TGFBR1: variants seen among roughly 807,000 people sequenced by gnomAD.
TGFBR1 encodes the protein transforming growth factor beta receptor 1.
In TGFBR1, 20 loss-of-function variants were observed where a neutral mutation model predicts 55.1. That is an observed-to-expected ratio of 0.36 (90% CI 0.26 to 0.53). The LOEUF is 0.53. Ranked by LOEUF, TGFBR1 falls within the 20% of genes least tolerant of loss-of-function variation. The pLI is 0.91. For missense variants in TGFBR1, 385 were observed against 617.6 expected, an observed-to-expected ratio of 0.62 and a Z score of 3.99; for synonymous variants, 220 against 214.8, an observed-to-expected ratio of 1.02 and a Z score of -0.21.
At chr9:99,130,904 GAAC>G (rs1827203188) in intron 2 of TGFBR1, among the ~76,000 whole-genome samples, 1 of 152,110 alleles carries the variant, frequency 6.6e-6, no homozygotes, top group Non-Finnish European at 1.5e-5. Flanking sequence ...TATTGAGAGC[GAAC>G]AACAGACTGG....
chr9:99,122,599 T>G (rs1004943762), intron 1 of TGFBR1, among the ~76,000 whole-genome samples: 1 of 152,130 alleles, frequency 6.6e-6, no homozygotes, highest in Non-Finnish European at 1.5e-5. Flanking sequence ...CTCTTTTTCC[T>G]CATGTCACTT....
rs140245968 is a variant in TGFBR1, at chr9:99,132,681, A to G, written c.516A>G (p.Ser172=). ...EDPSLDRPFI[S]EGTTLKDLIY... ...CTTCATTAGATCGCCCTTTTATTTC[A>G]GAGGGTACTACGTTGAAAGACTTAA... The change falls in exon 3 of 9, where the codon TCA becomes TCG. Residue 172 remains serine, a synonymous_variant. Transcript: ENST00000374994. 40 of 1,614,040 alleles carry G rather than the reference A, an allele frequency of 2.5e-5. No homozygotes were observed. Among genetic ancestry groups the G allele is most frequent in the Middle Eastern group, 3.3e-4 (2 of 6,084 alleles).
At chr9:99,133,011 A>G (rs1827295016) in intron 3 of TGFBR1, among the ~76,000 whole-genome samples, 1 of 152,204 alleles carries the variant, frequency 6.6e-6, no homozygotes, top group Non-Finnish European at 1.5e-5. Context: ...GTATAATCTA[A>G]TTTGCTTTTC....
rs201052504 is a variant in TGFBR1, at chr9:99,150,195, A to G, written c.*890A>G. 10 of 189,976 alleles carry G rather than the reference A, an allele frequency of 5.3e-5. No individual in the cohort carries two copies. The highest frequency in any genetic ancestry group is 8.9e-5 in the Non-Finnish European group (8 of 90,244). The allele number at this position is 189,976 out of a possible 1,614,324, so 11.8% of individuals were successfully genotyped here. ...TGGCATTAATTAGTAAATTATTAGCATGGTCATGTTTGAATATTCTCACAT... is the reference window on the plus strand; with the variant it reads ...TGGCATTAATTAGTAAATTATTAGCGTGGTCATGTTTGAATATTCTCACAT... On this transcript the variant is annotated 3_prime_UTR_variant, in exon 9 of 9. Transcript: ENST00000374994.
At chr9:99,132,123 CAAG>C (rs2118619199) in intron 2 of TGFBR1, among the ~76,000 whole-genome samples, 1 of 151,142 alleles carries the variant, frequency 6.6e-6, no homozygotes, top group East Asian at 1.9e-4. Flanking sequence ...GGCCTTGGAA[CAAG>C]AAGACAAGCC....
At chr9:99,105,516 G>C (rs1381101040) in intron 1 of TGFBR1, among the ~76,000 whole-genome samples, 1 of 150,582 alleles carries the variant, frequency 6.6e-6, no homozygotes, top group Non-Finnish European at 1.5e-5. Flanking sequence ...GTGTGTCCGG[G>C]CGCGGGCGGA....
rs201277448 is a variant in TGFBR1 at position 99,152,414 on chromosome 9, A to G, written c.*3109A>G. The G allele has an allele frequency of 7.0e-5, 16 of 227,866 alleles. No homozygotes were observed. Among genetic ancestry groups the G allele is most frequent in the Non-Finnish European group, 1.3e-4 (15 of 114,390 alleles). 14.1% of individuals were successfully genotyped at this position (227,866 alleles called of 1,614,324 possible). The stretch of plus-strand genomic sequence containing the variant: ...CTGAGCCTGTAATTCTGCTGTAATA[A>G]TGATAGTGCTCAAGAAGTGCCTTGA... On this transcript the variant is annotated 3_prime_UTR_variant, in exon 9 of 9. Coordinates refer to ENST00000374994, the MANE Select transcript of TGFBR1 (RefSeq NM_004612.4).
Position 99,105,240 on chromosome 9 carries a change from T to C in TGFBR1, c.35T>C (p.Leu12Pro), listed in dbSNP as rs1057524279. ...GCGGTCGCTGCTCCGCGTCCCCGGC[T>C]GCTCCTCCTCGTGCTGGCGGCGGCG... is the stretch of plus-strand genomic sequence containing the variant. ...EAAVAAPRPR[L>P]LLLVLAAAAA... is the part of the protein sequence containing the mutation. Residue 12 changes from leucine (L) to proline (P), a missense_variant, in exon 1 of 9, where the codon CTG becomes CCG. Leu to Pro is a moderately conservative substitution (Grantham distance 98). Around this residue, in one of 5 missense-constraint regions of TGFBR1, gnomAD observed 37 missense variants for 40.2 expected, o/e 0.92. Coordinates refer to ENST00000374994, the MANE Select transcript of TGFBR1 (RefSeq NM_004612.4). 2.8e-6 allele frequency: 3 copies of C among 1,064,624 alleles called. No homozygotes were observed. Among genetic ancestry groups the C allele is most frequent in the African/African-American group, 1.7e-5 (1 of 57,244 alleles). 65.9% of individuals were successfully genotyped at this position (1,064,624 alleles called of 1,614,324 possible).
chr9:99,148,036 C>T (rs544334940), intron 8 of TGFBR1, among the ~76,000 whole-genome samples: 3 of 152,292 alleles, frequency 2.0e-5, no homozygotes, highest in Admixed American at 2.0e-4. Flanking sequence ...AACTAAGGCA[C>T]ATATTTTTAA....
Position 99,150,438 on chromosome 9 carries a change from A to C in TGFBR1, c.*1133A>C, listed in dbSNP as rs1827949703. Reference sequence around the variant, plus strand: ...ATTTTTTAAGACATGAATTACATTTAAAATTAGAATATGGTTAATATTAAA... The same window carrying C: ...ATTTTTTAAGACATGAATTACATTTCAAATTAGAATATGGTTAATATTAAA... On this transcript the variant is annotated 3_prime_UTR_variant, in exon 9 of 9. Transcript: ENST00000374994. The C allele has an allele frequency of 4.7e-6, 1 of 211,484 alleles. No individual in the cohort carries two copies. Among genetic ancestry groups the C allele is most frequent in the African/African-American group, 2.3e-5 (1 of 44,188 alleles). 13.1% of individuals were successfully genotyped at this position (211,484 alleles called of 1,614,324 possible). A position where few individuals can be genotyped will look rare whatever the true frequency, so the allele number is the denominator to read the frequency against.
At chr9:99,143,281 G>A (rs1188443740) in intron 5 of TGFBR1, among the ~76,000 whole-genome samples, 1 of 152,140 alleles carries the variant, frequency 6.6e-6, no homozygotes, top group Non-Finnish European at 1.5e-5. Flanking sequence ...CTCAGTTTCA[G>A]AATTCAGGTC....
chr9:99,123,962 G>A (rs1457138763), intron 1 of TGFBR1, among the ~76,000 whole-genome samples: 3 of 152,132 alleles, frequency 2.0e-5, no homozygotes, highest in Non-Finnish European at 4.4e-5. Context: ...GGTCAGAGAG[G>A]TATTATGTTT....
rs769320006 is a variant in TGFBR1 at position 99,129,061 on chromosome 9, A to G, written c.304A>G (p.Asn102Asp). 5.6e-6 allele frequency: 9 copies of G among 1,613,988 alleles called. No homozygotes were observed. Among genetic ancestry groups the G allele is most frequent in the Non-Finnish European group, 2.5e-6 (3 of 1,179,932 alleles). Reference sequence around the variant, plus strand: ...GTCTGTGACTACAACATATTGCTGCAATCAGGACCATTGCAATAAAATAGA... The same window carrying G: ...GTCTGTGACTACAACATATTGCTGCGATCAGGACCATTGCAATAAAATAGA... ...TGSVTTTYCC[N>D]QDHCNKIELP... The change falls in exon 2 of 9, where the codon AAT becomes GAT. Residue 102 changes from asparagine (N) to aspartate (D), a missense_variant. By Grantham distance (23) the Asn-to-Asp change is conservative. This residue lies in a region of TGFBR1 where 146 missense variants were observed against 167.7 expected (regional missense o/e 0.87). Coordinates refer to ENST00000374994, the MANE Select transcript of TGFBR1 (RefSeq NM_004612.4).
chr9:99,144,143 T>C (rs1159635323), intron 5 of TGFBR1, among the ~76,000 whole-genome samples: 1 of 152,232 alleles, frequency 6.6e-6, no homozygotes, highest in African/African-American at 2.4e-5. Flanking sequence ...TTCAGTTATC[T>C]TGGGTATATA....
At chr9:99,137,115 C>A (rs917734265) in intron 3 of TGFBR1, among the ~76,000 whole-genome samples, 3 of 152,098 alleles carry the variant, frequency 2.0e-5, no homozygotes, top group African/African-American at 7.2e-5. Context: ...AAACAGTGCT[C>A]CATTACCAAG....
intron 1 of TGFBR1, among the ~76,000 whole-genome samples, chr9:99,111,781 A>G (rs1236573681): frequency 1.3e-5 from 2 of 152,234 alleles, no homozygotes; most frequent in East Asian, 3.8e-4. Flanking sequence ...TAGCTCATCT[A>G]TTCTTAGCAA....
chr9:99,132,371 A>G (rs1827257935), intron 2 of TGFBR1, 138 bp from the exon 3 acceptor site: 1 of 1,440,874 alleles, frequency 6.9e-7, no homozygotes, highest in African/African-American at 1.4e-5. Context: ...AGCCCTGTAA[A>G]CTGCTGTAAT....
intron 6 of TGFBR1, chr9:99,145,943 G>A (rs1222491256): frequency 2.8e-5 from 5 of 178,352 alleles, no homozygotes; most frequent in African/African-American, 9.6e-5. Context: ...GATCGGGCGT[G>A]TTTAGGGTGG....
Position 99,110,391 on chromosome 9 carries a change from A to G in TGFBR1, c.97+5089A>G, listed in dbSNP as rs535996925. On this transcript the variant is annotated intron_variant, in intron 1 of 8. Coordinates refer to ENST00000374994, the MANE Select transcript of TGFBR1 (RefSeq NM_004612.4). The stretch of plus-strand genomic sequence containing the variant: ...GACCATGGCTAATACGGCATCATTT[A>G]GTTCTCATAACCAACCTTGAATGGT... Among the ~76,000 whole-genome samples the G allele has an allele frequency of 2.0e-5, 3 of 152,056 alleles. No individual in the cohort carries two copies. The South Asian group carries it at 6.2e-4, about 32-fold the overall frequency.
Sources: gnomAD v4.1 joint callset for allele counts (sites outside exome capture counted in the v4.1 genomes callset) on GRCh38, gnomAD v4.1.1 for gene constraint, gnomAD v4.1.1 regional missense constraint, MANE v1.5 for transcripts, NCBI Gene and HGNC (gene_info 2026-07-23, HGNC 2026-07-21) for gene names.